The following ADAMTSL3 variants were observed in gnomAD, a reference collection of about 807,000 sequenced individuals.
The protein encoded by ADAMTSL3 is ADAMTS like 3.
ADAMTSL3 carries 128 observed loss-of-function variants against 201.7 expected under a neutral mutation model. The observed-to-expected ratio is 0.63, with a 90% CI of 0.55 to 0.73. ADAMTSL3 has a LOEUF of 0.73. ADAMTSL3 is among the 30% of genes least tolerant of loss of function. The probability of loss-of-function intolerance (pLI) is 0.00; values close to 1 mark genes in which losing one functional copy is unlikely to be tolerated. For missense variants in ADAMTSL3, 1,990 were observed against 2,119.6 expected (o/e 0.94, Z 1.20); for synonymous variants, 738 against 748.4 (o/e 0.99, Z 0.23).
At chr15:83,685,459 G>A (rs1453428721) in intron 2 of ADAMTSL3, among the ~76,000 whole-genome samples, 1 of 152,196 alleles carries the variant, frequency 6.6e-6, no homozygotes, top group African/African-American at 2.4e-5. Context: ...TTGAATCAGT[G>A]AATGGAAGGA....
intron 2 of ADAMTSL3, among the ~76,000 whole-genome samples, chr15:83,687,316 G>T (rs1483196402): frequency 6.6e-6 from 1 of 152,198 alleles, no homozygotes; most frequent in Non-Finnish European, 1.5e-5. Context: ...TAATCAGTAT[G>T]AAAATCCTAA....
rs1195622901 is a variant in ADAMTSL3, at chr15:83,821,992, C to T, written c.600+1945C>T. 2.1e-4 allele frequency among the ~76,000 whole-genome samples: 30 copies of T among 141,578 alleles called. 1 individual carries two copies. The highest frequency in any genetic ancestry group is 9.3e-4 in the South Asian group (4 of 4,286). The allele number at this position is 141,578 out of a possible 152,430, so 92.9% of individuals were successfully genotyped here. A position where few individuals can be genotyped will look rare whatever the true frequency, so the allele number is the denominator to read the frequency against. On this transcript the variant is annotated intron_variant, in intron 6 of 29. Coordinates refer to ENST00000286744, the MANE Select transcript of ADAMTSL3 (RefSeq NM_207517.3). ...CTCCCGGACGGGGCTGCTGGCCGGG[C>T]GGGTTGCTGACCTCCCCCACCTCCC...
At chr15:83,879,636 T>C (rs2065236523) in intron 9 of ADAMTSL3, among the ~76,000 whole-genome samples, 1 of 152,232 alleles carries the variant, frequency 6.6e-6, no homozygotes, top group Non-Finnish European at 1.5e-5. Context: ...ATTTCAAAAT[T>C]TGTAAAACTT....
Position 83,804,642 on chromosome 15 carries a change from T to A in ADAMTSL3, c.318-8T>A, listed in dbSNP as rs1429641848. The A allele has an allele frequency of 1.3e-6, 2 of 1,547,564 alleles. No individual in the cohort carries two copies. Among genetic ancestry groups the A allele is most frequent in the Admixed American group, 3.9e-5 (2 of 51,266 alleles). On this transcript the variant is annotated splice_region_variant and splice_polypyrimidine_tract_variant and intron_variant, in intron 4 of 29. Transcript: ENST00000286744. ...TATTTCTTCTTTCTTCTTTCTTTTTTCCTTTAGGAATTGTGAAGGGCAGAA... is the reference window on the plus strand; with the variant it reads ...TATTTCTTCTTTCTTCTTTCTTTTTACCTTTAGGAATTGTGAAGGGCAGAA...
intron 5 of ADAMTSL3, 65 bp downstream of exon 5, chr15:83,804,760 C>A: frequency 7.9e-7 from 1 of 1,260,428 alleles, no homozygotes; most frequent in Non-Finnish European, 1.1e-6. Context: ...TACAATATTC[C>A]AATGTGTACT....
chr15:83,936,204 T>C (rs1280060970), intron 17 of ADAMTSL3, among the ~76,000 whole-genome samples: 1 of 151,890 alleles, frequency 6.6e-6, no homozygotes, highest in African/African-American at 2.4e-5. Flanking sequence ...AGAGATTGAT[T>C]AATTAAAGTG....
At chr15:83,743,207 CCTGT>C (rs1039898228) in intron 3 of ADAMTSL3, among the ~76,000 whole-genome samples, 60 of 152,248 alleles carry the variant, frequency 3.9e-4, no homozygotes, top group African/African-American at 1.4e-3. Context: ...AAATCAGGAA[CCTGT>C]CTAACATTTA....
intron 23 of ADAMTSL3, among the ~76,000 whole-genome samples, chr15:84,012,650 A>G (rs75666428): frequency 0.045 from 6,866 of 152,284 alleles, 208 homozygotes; most frequent in Non-Finnish European, 0.069. Context: ...CTGATTAGTA[A>G]CCTTAATTAC....
chr15:83,680,227 G>C (rs2061459027), intron 2 of ADAMTSL3, among the ~76,000 whole-genome samples: 3 of 152,004 alleles, frequency 2.0e-5, no homozygotes, highest in African/African-American at 7.3e-5. Flanking sequence ...AGAACATATG[G>C]AATGTGAAAG....
In ADAMTSL3 at chr15:83,895,918, C is replaced by G. The variant is rs554701248; in HGVS notation, c.1468-1940C>G. 5.3e-5 allele frequency among the ~76,000 whole-genome samples: 8 copies of G among 152,244 alleles called. No individual in the cohort carries two copies. The East Asian group carries it at 9.6e-4, about 18-fold the overall frequency. ...GGCATCATGAACTAGAGAGATTTCCCAATATTCTGCCTGATGTGTGTACAC... is the reference window on the plus strand; with the variant it reads ...GGCATCATGAACTAGAGAGATTTCCGAATATTCTGCCTGATGTGTGTACAC... On this transcript the variant is annotated intron_variant, in intron 13 of 29. Coordinates refer to ENST00000286744, the MANE Select transcript of ADAMTSL3 (RefSeq NM_207517.3).
Position 83,655,779 on chromosome 15 carries a change from C to T in ADAMTSL3, c.18C>T (p.Ser6=). The T allele has an allele frequency of 1.2e-6, 2 of 1,614,112 alleles. No individual in the cohort carries two copies. The highest frequency in any genetic ancestry group is 2.2e-5 in the East Asian group (1 of 44,878). The change falls in exon 2 of 30, where the codon AGC becomes AGT. Residue 6 remains serine (S), a synonymous_variant. Transcript: ENST00000286744. MASWT[S]PWWVLIGMVF... Reference sequence around the variant, plus strand: ...TAGACCCCATGGCTTCCTGGACGAGCCCCTGGTGGGTGCTGATAGGGATGG... The same window carrying T: ...TAGACCCCATGGCTTCCTGGACGAGTCCCTGGTGGGTGCTGATAGGGATGG...
At chr15:83,941,319 AT>A (rs2066556031) in intron 17 of ADAMTSL3, among the ~76,000 whole-genome samples, 8 of 152,122 alleles carry the variant, frequency 5.3e-5, no homozygotes, top group Admixed American at 2.6e-4. Context: ...ACTGAGAATC[AT>A]TTTTAGATTA....
In ADAMTSL3 at chr15:83,928,679, CA is replaced by C. The variant is rs561344355; in HGVS notation, c.2117+4650del. Among the ~76,000 whole-genome samples the C allele has an allele frequency of 7.7e-3, 1,170 of 152,162 alleles. 7 individuals carry two copies. The highest frequency in any genetic ancestry group is 0.012 in the Non-Finnish European group (840 of 67,992). ...ATATAATTTTTTCAGAAAAGAAAGC[CA>C]AAATATGAAACAATTTACAATTCAT... On this transcript the variant is annotated intron_variant, in intron 17 of 29. Coordinates refer to ENST00000286744, the MANE Select transcript of ADAMTSL3 (RefSeq NM_207517.3).
chr15:84,034,640 C>T (rs2068471462), intron 28 of ADAMTSL3, among the ~76,000 whole-genome samples: 1 of 152,160 alleles, frequency 6.6e-6, no homozygotes, highest in African/African-American at 2.4e-5. Context: ...GCTTGGGCCT[C>T]ACCTCAGGCA....
chr15:83,667,393 T>C (rs2061262956), intron 2 of ADAMTSL3, among the ~76,000 whole-genome samples: 1 of 152,128 alleles, frequency 6.6e-6, no homozygotes. Flanking sequence ...TGGCATATGG[T>C]ATAATGGAGG....
intron 3 of ADAMTSL3, among the ~76,000 whole-genome samples, chr15:83,733,780 A>G (rs1311559636): frequency 1.3e-5 from 2 of 152,178 alleles, no homozygotes; most frequent in East Asian, 3.8e-4. Flanking sequence ...AAAATAGGGG[A>G]CATGATCCTG....
At chr15:83,726,880 G>A (rs1215853275) in intron 3 of ADAMTSL3, among the ~76,000 whole-genome samples, 1 of 151,400 alleles carries the variant, frequency 6.6e-6, no homozygotes, top group African/African-American at 2.4e-5. Flanking sequence ...TGTGTCTTTG[G>A]TTTTAGTATC....
At chr15:83,990,325 C>A (rs1383581627) in intron 22 of ADAMTSL3, among the ~76,000 whole-genome samples, 1 of 152,166 alleles carries the variant, frequency 6.6e-6, no homozygotes, top group Admixed American at 6.5e-5. Flanking sequence ...GTCAGCCTGG[C>A]TGTGGCACCA....
chr15:84,001,174 A>G (rs911897700), intron 23 of ADAMTSL3, among the ~76,000 whole-genome samples: 3 of 152,212 alleles, frequency 2.0e-5, no homozygotes, highest in Non-Finnish European at 4.4e-5. Context: ...AGGAGTCAGC[A>G]GACATATCTG....
Sources: gnomAD v4.1 joint callset for allele counts (sites outside exome capture counted in the v4.1 genomes callset) on GRCh38, gnomAD v4.1.1 for gene constraint, MANE v1.5 for transcripts, NCBI Gene and HGNC (gene_info 2026-07-23, HGNC 2026-07-21) for gene names.